The following CSMD1 variants were observed in gnomAD, a reference collection of about 807,000 sequenced individuals.
CSMD1 encodes the protein CUB and Sushi multiple domains 1.
CSMD1 carries 213 observed loss-of-function variants against 417.5 expected under a neutral mutation model. That is an observed-to-expected ratio of 0.51 (90% CI 0.46 to 0.57). CSMD1 has a LOEUF of 0.57. Among genes scored for constraint, CSMD1 ranks in the 20% least tolerant of loss-of-function variants. CSMD1 has a pLI of 0.00. For missense variants in CSMD1, 6,923 were observed against 4,529.7 expected (o/e 1.53, Z -15.17); for synonymous variants, 2,862 against 1,736.8 (o/e 1.65, Z -16.11).
chr8:4,518,448 G>A (rs1442738818), intron 2 of CSMD1, among the ~76,000 whole-genome samples: 1 of 151,940 alleles, frequency 6.6e-6, no homozygotes, highest in Non-Finnish European at 1.5e-5. Flanking sequence ...AGACATAAAC[G>A]TGATATCCTT....
intron 3 of CSMD1, among the ~76,000 whole-genome samples, chr8:4,138,012 C>T (rs559024472): frequency 7.1e-6 from 1 of 141,740 alleles, no homozygotes. Flanking sequence ...AGAGTAGCTG[C>T]GACTAGAGGC....
At chr8:3,553,433 A>G (rs1352686163) in intron 10 of CSMD1, among the ~76,000 whole-genome samples, 4 of 152,224 alleles carry the variant, frequency 2.6e-5, no homozygotes, top group Non-Finnish European at 5.9e-5. Context: ...TCCTATGTCT[A>G]TTCAGTTCCT....
intron 11 of CSMD1, among the ~76,000 whole-genome samples, chr8:3,489,730 A>G (rs112993484): frequency 6.6e-6 from 1 of 152,296 alleles, no homozygotes; most frequent in African/African-American, 2.4e-5. Context: ...ATTGCCAGAA[A>G]TAAGAATTTT....
chr8:3,945,847 T>C (rs771872529), intron 5 of CSMD1, among the ~76,000 whole-genome samples: 5 of 152,070 alleles, frequency 3.3e-5, no homozygotes, highest in South Asian at 2.1e-4. Flanking sequence ...TAAATATTGA[T>C]TGTAGTGAAT....
intron 5 of CSMD1, among the ~76,000 whole-genome samples, chr8:3,877,972 T>A (rs1805942218): frequency 6.6e-6 from 1 of 152,146 alleles, no homozygotes; most frequent in African/African-American, 2.4e-5. Context: ...AAGTTTTTTT[T>A]TTTTTAAACT....
chr8:3,051,412 A>G (rs1811805921), intron 50 of CSMD1, among the ~76,000 whole-genome samples: 1 of 152,176 alleles, frequency 6.6e-6, no homozygotes, highest in Admixed American at 6.5e-5. Context: ...ACAGACATAA[A>G]GAAGGCAGCA....
chr8:4,088,826 C>T (rs992684344), intron 3 of CSMD1, among the ~76,000 whole-genome samples: 1 of 152,264 alleles, frequency 6.6e-6, no homozygotes, highest in East Asian at 1.9e-4. Context: ...GGACTCATCC[C>T]TCCCTCTGGA....
chr8:3,547,576 T>G (rs1230929572), intron 10 of CSMD1, among the ~76,000 whole-genome samples: 2 of 152,220 alleles, frequency 1.3e-5, no homozygotes, highest in African/African-American at 4.8e-5. Context: ...TAGGCTTTAT[T>G]TTTATTTACA....
At chr8:4,431,200 C>T (rs1480457484) in intron 2 of CSMD1, among the ~76,000 whole-genome samples, 3 of 151,932 alleles carry the variant, frequency 2.0e-5, no homozygotes, top group Non-Finnish European at 4.4e-5. Context: ...GAGTTTATTC[C>T]AGGTCTGTTT....
At chr8:4,504,638 C>A (rs1286096193) in intron 2 of CSMD1, among the ~76,000 whole-genome samples, 4 of 152,100 alleles carry the variant, frequency 2.6e-5, no homozygotes, top group Non-Finnish European at 5.9e-5. Context: ...CCCTTGGCCC[C>A]CACCTCCCGA....
In CSMD1 at chr8:4,785,456, C is replaced by A. The variant is rs147527996; in HGVS notation, c.86-147898G>T. On this transcript the variant is annotated intron_variant, in intron 1 of 69. Coordinates refer to ENST00000635120, the MANE Select transcript of CSMD1 (RefSeq NM_033225.6). ...TTAGATCACCATTAGCTCATGCAGC[C>A]CTTTGCTAAGCTTTGGACCTCAAGA... Among the ~76,000 whole-genome samples, 1,013 of 152,160 alleles carry A rather than the reference C, an allele frequency of 6.7e-3. 14 individuals carry two copies. The highest frequency in any genetic ancestry group is 9.9e-3 in the Non-Finnish European group (674 of 68,000).
At chr8:4,877,278 G>C (rs1444327653) in intron 1 of CSMD1, among the ~76,000 whole-genome samples, 1 of 151,920 alleles carries the variant, frequency 6.6e-6, no homozygotes, top group Non-Finnish European at 1.5e-5. Flanking sequence ...CCAGTATTTT[G>C]ACTATTACAG....
chr8:4,524,176 G>C (rs367553843), intron 2 of CSMD1, among the ~76,000 whole-genome samples: 1 of 152,086 alleles, frequency 6.6e-6, no homozygotes, highest in East Asian at 1.9e-4. Context: ...AAAGAAAGCA[G>C]TGGGGGAAGC....
At chr8:3,252,237 T>G (rs969093924) in intron 26 of CSMD1, among the ~76,000 whole-genome samples, 1 of 152,226 alleles carries the variant, frequency 6.6e-6, no homozygotes, top group Admixed American at 6.5e-5. Flanking sequence ...ATACGTCCCA[T>G]CAATACCTGA....
chr8:2,943,870 A>C (rs1365056416), intron 68 of CSMD1, among the ~76,000 whole-genome samples: 1 of 152,222 alleles, frequency 6.6e-6, no homozygotes, highest in African/African-American at 2.4e-5. Flanking sequence ...GAATTTATAA[A>C]ATGTCAGATT....
intron 3 of CSMD1, among the ~76,000 whole-genome samples, chr8:4,061,549 G>C (rs564459504): frequency 6.6e-6 from 1 of 152,260 alleles, no homozygotes; most frequent in South Asian, 2.1e-4. Context: ...AAAGCCTACA[G>C]AATAATAACC....
intron 1 of CSMD1, among the ~76,000 whole-genome samples, chr8:4,791,433 C>G (rs1797682730): frequency 6.6e-6 from 1 of 152,168 alleles, no homozygotes; most frequent in Admixed American, 6.5e-5. Flanking sequence ...GACCCCATCC[C>G]TTGGTCTATA....
chr8:3,826,242 T>A (rs956851831), intron 5 of CSMD1, among the ~76,000 whole-genome samples: 1 of 152,232 alleles, frequency 6.6e-6, no homozygotes, highest in African/African-American at 2.4e-5. Context: ...AAGTGATGCA[T>A]CTGGTCAGCC....
At chr8:4,427,123 G>A (rs1318722815) in intron 2 of CSMD1, among the ~76,000 whole-genome samples, 3 of 152,180 alleles carry the variant, frequency 2.0e-5, no homozygotes, top group South Asian at 2.1e-4. Flanking sequence ...CTTATAGAAA[G>A]CCTCTCCTGC....
Sources: allele counts gnomAD v4.1 joint callset (sites outside exome capture counted in the v4.1 genomes callset), GRCh38; gene constraint gnomAD v4.1.1; transcripts MANE v1.5; gene names NCBI Gene and HGNC (gene_info 2026-07-23, HGNC 2026-07-21).